Variants in PDE8B observed in about 807,000 individuals in gnomAD.
The protein encoded by PDE8B is high affinity cAMP-specific and IBMX-insensitive 3',5'-cyclic phosphodiesterase 8B.
A neutral mutation model predicts 101.3 loss-of-function variants in PDE8B; 26 were observed. That is an observed-to-expected ratio of 0.26 (90% CI 0.19 to 0.36). The LOEUF is 0.36. Among genes scored for constraint, PDE8B ranks in the 10% least tolerant of loss-of-function variants. The pLI, the probability that PDE8B is intolerant of heterozygous loss-of-function variation, is 1.00. For missense variants in PDE8B, 810 were observed against 1,163.1 expected (o/e 0.70, Z 4.42); for synonymous variants, 424 against 429.3 (o/e 0.99, Z 0.15).
chr5:77,259,876 T>C (rs1760104964), intron 1 of PDE8B, among the ~76,000 whole-genome samples: 1 of 152,170 alleles, frequency 6.6e-6, no homozygotes. Flanking sequence ...GAAATAAAGC[T>C]ATCAGCCGGG....
intron 10 of PDE8B, among the ~76,000 whole-genome samples, chr5:77,361,032 T>G (rs1031068004): frequency 6.6e-6 from 1 of 152,242 alleles, no homozygotes; most frequent in Non-Finnish European, 1.5e-5. Context: ...TAAGCAAATT[T>G]TATTTGTAAG....
the PDE8B span, chr5:77,088,107 C>T: frequency 6.6e-6 from 1 of 152,294 alleles, no homozygotes; most frequent in East Asian, 1.9e-4. Context: ...CGCCCTCCCA[C>T]AGCCCTTTGC....
chr5:77,299,485 G>A (rs925329534), intron 1 of PDE8B, among the ~76,000 whole-genome samples: 3 of 133,910 alleles, frequency 2.2e-5, no homozygotes, highest in South Asian at 2.3e-4. Context: ...ATGTGTTCTT[G>A]TTGTTCAGTT....
At chr5:77,291,187 G>A (rs1466477088) in intron 1 of PDE8B, 36 of 1,610,680 alleles carry the variant, frequency 2.2e-5, no homozygotes, top group South Asian at 3.3e-5. Flanking sequence ...ACTGCGAGGC[G>A]ACTGTTTGTA....
chr5:77,163,109 G>A, the PDE8B span, among the ~76,000 whole-genome samples: 1 of 152,114 alleles, frequency 6.6e-6, no homozygotes, highest in Admixed American at 6.5e-5. Flanking sequence ...CATGAGGCGG[G>A]CATATAAACA....
At chr5:77,389,869 T>G (rs1054065518) in intron 10 of PDE8B, among the ~76,000 whole-genome samples, 1 of 152,208 alleles carries the variant, frequency 6.6e-6, no homozygotes, top group African/African-American at 2.4e-5. Flanking sequence ...CAGGGCTGTT[T>G]CCAGCTTTTG....
At chr5:77,191,555 G>A in the PDE8B span, among the ~76,000 whole-genome samples, 638 of 151,952 alleles carry the variant, frequency 4.2e-3, 4 homozygotes, top group African/African-American at 0.012. Context: ...GGGTTTCACC[G>A]TGTTAGCCAG....
At chr5:77,184,112 G>T in the PDE8B span, among the ~76,000 whole-genome samples, 1 of 152,022 alleles carries the variant, frequency 6.6e-6, no homozygotes, top group Admixed American at 6.6e-5. Context: ...GACTATAGGC[G>T]TGCGCCACCA....
chr5:77,304,307 T>C (rs1015778790), intron 1 of PDE8B, among the ~76,000 whole-genome samples: 22 of 152,324 alleles, frequency 1.4e-4, no homozygotes, highest in African/African-American at 5.3e-4. Context: ...ATGATGAGCA[T>C]CTCTTCATAC....
chr5:77,250,568 C>T (rs113639408), intron 1 of PDE8B, among the ~76,000 whole-genome samples: 159 of 152,312 alleles, frequency 1.0e-3, no homozygotes, highest in African/African-American at 3.7e-3. Flanking sequence ...TTATTTCTCC[C>T]ACAGTGAAAG....
intron 1 of PDE8B, among the ~76,000 whole-genome samples, chr5:77,311,207 A>G (rs1772530160): frequency 6.6e-6 from 1 of 152,220 alleles, no homozygotes. Flanking sequence ...AAATTAGTCT[A>G]GAGAATAGTC....
At chr5:77,369,203 CA>C (rs70988667) in intron 10 of PDE8B, among the ~76,000 whole-genome samples, 19,463 of 78,164 alleles carry the variant, frequency 0.25, 916 homozygotes, top group East Asian at 0.39. Flanking sequence ...TCCACTGTCT[CA>C]AAAAAAAAAA....
At chr5:77,185,918 G>A in the PDE8B span, among the ~76,000 whole-genome samples, 1,521 of 152,292 alleles carry the variant, frequency 1.0e-2, 16 homozygotes, top group Middle Eastern at 0.024. Flanking sequence ...GAAGCAGACT[G>A]CCTGGGTGCT....
At chr5:77,372,201 A>AAACAAC (rs3031818) in intron 10 of PDE8B, among the ~76,000 whole-genome samples, 2,124 of 151,636 alleles carry the variant, frequency 0.014, 44 homozygotes, top group African/African-American at 0.048. Flanking sequence ...TTCTGTCTCA[A>AAACAAC]AACAACAACA....
the PDE8B span, chr5:77,088,166 A>T: frequency 6.6e-6 from 1 of 152,192 alleles, no homozygotes; most frequent in Non-Finnish European, 1.5e-5. Flanking sequence ...CTGCCTGCTG[A>T]AACCCCTTAT....
At chr5:77,285,433 G>T (rs7721608) in intron 1 of PDE8B, among the ~76,000 whole-genome samples, 85,330 of 151,964 alleles carry the variant, frequency 0.56, 24,999 homozygotes, top group East Asian at 0.88. Flanking sequence ...GAAAGCTGTT[G>T]TTCCTGTTTT....
chr5:77,122,771 G>A, the PDE8B span, among the ~76,000 whole-genome samples: 1 of 152,172 alleles, frequency 6.6e-6, no homozygotes, highest in African/African-American at 2.4e-5. Flanking sequence ...TCATGAAGGA[G>A]TAAGCCAGCC....
the PDE8B span, among the ~76,000 whole-genome samples, chr5:77,161,640 T>A: frequency 6.6e-6 from 1 of 152,276 alleles, no homozygotes. Flanking sequence ...AGGTCATACA[T>A]AAATATGTAT....
intron 10 of PDE8B, among the ~76,000 whole-genome samples, chr5:77,381,549 T>C (rs1787455229): frequency 6.6e-6 from 1 of 152,218 alleles, no homozygotes; most frequent in African/African-American, 2.4e-5. Context: ...TTGTTTGTTA[T>C]TGTACTGATC....
Sources: allele counts gnomAD v4.1 joint callset (sites outside exome capture counted in the v4.1 genomes callset), GRCh38; gene constraint gnomAD v4.1.1; transcripts MANE v1.5; gene names NCBI Gene and HGNC (gene_info 2026-07-23, HGNC 2026-07-21).